TMTC2: variants seen among roughly 807,000 people sequenced by gnomAD.
TMTC2 encodes transmembrane O-mannosyltransferase targeting cadherins 2.
TMTC2 carries 43 observed loss-of-function variants against 82.4 expected under a neutral mutation model. That is an observed-to-expected ratio of 0.52 (90% CI 0.41 to 0.67). The LOEUF is 0.67. TMTC2 is among the 30% of genes least tolerant of loss of function. TMTC2 has a pLI of 0.00. For synonymous variants in TMTC2, 408 were observed against 381.9 expected (o/e 1.07, Z -0.80); for missense variants, 919 against 1,012.4 (o/e 0.91, Z 1.25).
chr12:82,926,140 C>T (rs990197932), intron 3 of TMTC2, among the ~76,000 whole-genome samples: 1 of 151,986 alleles, frequency 6.6e-6, no homozygotes, highest in African/African-American at 2.4e-5. Context: ...GCCAACACAC[C>T]CAGCTAATTT....
At chr12:82,850,100 A>G (rs1252562636) in intron 1 of TMTC2, among the ~76,000 whole-genome samples, 1 of 152,036 alleles carries the variant, frequency 6.6e-6, no homozygotes, top group African/African-American at 2.4e-5. Context: ...GTGGACTGAG[A>G]ATAGATGTGG....
At position 83,132,137 on chromosome 12, in the gene TMTC2, G is replaced by A; in HGVS notation, c.2332-73G>A. On this transcript the variant is annotated intron_variant, in intron 11 of 11. Transcript: ENST00000321196. ...AAGGGAATTATTTGCATAAGTGGAT[G>A]AAGATTTTTGTTTTCCATGAAGGAA... 6.0e-6 allele frequency: 9 copies of A among 1,504,896 alleles called. No homozygotes were observed. In the South Asian group the frequency reaches 1.1e-4, roughly 18 times the overall value. The allele number at this position is 1,504,896 out of a possible 1,614,324, so 93.2% of individuals were successfully genotyped here. A position where few individuals can be genotyped will look rare whatever the true frequency, so the allele number is the denominator to read the frequency against.
intron 8 of TMTC2, among the ~76,000 whole-genome samples, chr12:82,994,298 T>G (rs1879522647): frequency 6.6e-6 from 1 of 152,106 alleles, no homozygotes; most frequent in Admixed American, 6.5e-5. Flanking sequence ...GGACTACAGG[T>G]GCCCGCTACC....
At chr12:82,890,689 T>A (rs1229869835) in intron 2 of TMTC2, among the ~76,000 whole-genome samples, 1 of 152,222 alleles carries the variant, frequency 6.6e-6, no homozygotes, top group Non-Finnish European at 1.5e-5. Flanking sequence ...CCTTTAAGTT[T>A]GAAAACTATC....
intron 9 of TMTC2, among the ~76,000 whole-genome samples, chr12:83,040,945 A>G (rs900943775): frequency 1.3e-5 from 2 of 151,898 alleles, no homozygotes; most frequent in Non-Finnish European, 2.9e-5. Context: ...CAGCCTCCCA[A>G]AGTGCTGGGA....
At chr12:82,726,347 A>G (rs7313780) in intron 1 of TMTC2, among the ~76,000 whole-genome samples, 6,246 of 152,280 alleles carry the variant, frequency 0.041, 243 homozygotes, top group East Asian at 0.12. Context: ...TGCATGAAGC[A>G]TACCTACCAG....
Position 82,742,504 on chromosome 12 carries a change from A to G in TMTC2, c.83+54835A>G, listed in dbSNP as rs987882867. On this transcript the variant is annotated intron_variant, in intron 1 of 11. Coordinates refer to ENST00000321196, the MANE Select transcript of TMTC2 (RefSeq NM_152588.3). ...TGCTGTCTAAACGAGATGACTTCCC[A>G]CTATATCCTGTATATTCTTTTTTTT... Among the ~76,000 whole-genome samples, 3 of 151,334 alleles carry G rather than the reference A, an allele frequency of 2.0e-5. No homozygotes were observed. In the South Asian group the frequency reaches 6.2e-4, roughly 31 times the overall value.
chr12:82,986,820 A>G (rs558312090), intron 8 of TMTC2, among the ~76,000 whole-genome samples: 1 of 152,328 alleles, frequency 6.6e-6, no homozygotes, highest in African/African-American at 2.4e-5. Context: ...TTTCAAAGTA[A>G]TAGTAATGTC....
chr12:83,067,504 A>G (rs1379329345), intron 11 of TMTC2, among the ~76,000 whole-genome samples: 1 of 152,000 alleles, frequency 6.6e-6, no homozygotes, highest in East Asian at 1.9e-4. Flanking sequence ...CAGTGACTGA[A>G]GAAGAAAAAG....
intron 9 of TMTC2, among the ~76,000 whole-genome samples, chr12:83,043,860 GAATTT>G (rs1163544815): frequency 1.3e-5 from 2 of 152,144 alleles, no homozygotes; most frequent in African/African-American, 4.8e-5. Context: ...ACAGTCTGTT[GAATTT>G]ATTTCACAAT....
At chr12:83,105,153 A>G (rs1200599560) in intron 11 of TMTC2, among the ~76,000 whole-genome samples, 1 of 152,192 alleles carries the variant, frequency 6.6e-6, no homozygotes, top group Non-Finnish European at 1.5e-5. Context: ...CACGGTCCGT[A>G]TTACCATCAG....
chr12:82,735,546 T>C lies in TMTC2; in HGVS notation c.83+47877T>C, dbSNP rs368472637. Among the ~76,000 whole-genome samples the C allele has an allele frequency of 3.9e-3, 597 of 151,934 alleles. 4 individuals carry two copies. Among genetic ancestry groups the C allele is most frequent in the South Asian group, 0.017 (81 of 4,806 alleles). On this transcript the variant is annotated intron_variant, in intron 1 of 11. Coordinates refer to ENST00000321196, the MANE Select transcript of TMTC2 (RefSeq NM_152588.3). ...ATTTTTAGTAGAGACGAAGTTTCAC[T>C]GTGTTAGCCAGGATGGTCTCGATCT...
At chr12:83,107,418 AG>A (rs1188971748) in intron 11 of TMTC2, among the ~76,000 whole-genome samples, 2 of 152,178 alleles carry the variant, frequency 1.3e-5, no homozygotes, top group Admixed American at 1.3e-4. Flanking sequence ...ATAACATGGC[AG>A]GGGTATCACT....
chr12:83,086,886 C>A (rs1316116032), intron 11 of TMTC2, among the ~76,000 whole-genome samples: 1 of 152,180 alleles, frequency 6.6e-6, no homozygotes, highest in Non-Finnish European at 1.5e-5. Flanking sequence ...GCTGACCCAT[C>A]AGGGTGATAT....
intron 1 of TMTC2, among the ~76,000 whole-genome samples, chr12:82,795,520 C>T (rs1315922734): frequency 6.6e-6 from 1 of 151,952 alleles, no homozygotes; most frequent in Admixed American, 6.6e-5. Flanking sequence ...CACATCCCCT[C>T]CAAAATTCCG....
chr12:82,763,500 A>ATC (rs1211298381), intron 1 of TMTC2, among the ~76,000 whole-genome samples: 5 of 152,216 alleles, frequency 3.3e-5, no homozygotes, highest in Admixed American at 6.5e-5. Context: ...AAACTTGAGA[A>ATC]AATGTTTCAT....
intron 8 of TMTC2, among the ~76,000 whole-genome samples, chr12:83,016,805 C>T (rs1388594371): frequency 6.6e-6 from 1 of 152,154 alleles, no homozygotes. Context: ...GCTTCTGTAC[C>T]TGGGCAAGGT....
intron 3 of TMTC2, among the ~76,000 whole-genome samples, chr12:82,906,005 G>A (rs545414642): frequency 1.5e-4 from 22 of 151,490 alleles, no homozygotes; most frequent in African/African-American, 3.9e-4. Flanking sequence ...ATTTTGCAGC[G>A]TCTGACAATT....
intron 8 of TMTC2, among the ~76,000 whole-genome samples, chr12:82,998,847 G>T (rs1240173726): frequency 6.6e-6 from 1 of 151,922 alleles, no homozygotes; most frequent in African/African-American, 2.4e-5. Context: ...ATAAAACAAA[G>T]GCTATAATTT....
Sources: allele counts gnomAD v4.1 joint callset (sites outside exome capture counted in the v4.1 genomes callset), GRCh38; gene constraint gnomAD v4.1.1; transcripts MANE v1.5; gene names NCBI Gene and HGNC (gene_info 2026-07-23, HGNC 2026-07-21).